Variants in TMC6 observed in about 807,000 individuals in gnomAD.
TMC6 encodes the protein transmembrane channel-like protein 6.
TMC6 carries 71 observed loss-of-function variants against 95.4 expected under a neutral mutation model. The ratio of observed to expected loss-of-function variants is 0.74; its 90% CI spans 0.61 to 0.91. The LOEUF (loss-of-function observed/expected upper bound fraction) is 0.91. TMC6 is among the 40% of genes least tolerant of loss of function. The pLI, the probability that TMC6 is intolerant of heterozygous loss-of-function variation, is 0.00. For synonymous variants in TMC6, 514 were observed against 483.1 expected, an observed-to-expected ratio of 1.06 and a Z score of -0.84; for missense variants, 1,074 against 1,079.1, an observed-to-expected ratio of 1.00 and a Z score of 0.07.
In TMC6 at chr17:78,113,187, CG is replaced by C; in HGVS notation, c.2378del (p.Ala793GlyfsTer64). 1 of 1,558,082 alleles carries C rather than the reference CG, an allele frequency of 6.4e-7. No homozygotes were observed. Among genetic ancestry groups the C allele is most frequent in the Non-Finnish European group, 8.7e-7 (1 of 1,149,912 alleles). On this transcript the variant is annotated frameshift_variant, in exon 20 of 20. Coordinates refer to ENST00000590602, the MANE Select transcript of TMC6 (RefSeq NM_001127198.5). LOFTEE classifies it low-confidence loss of function (END_TRUNC). ...CATCTGTGAGCAGGGCAGGGGGTGC[CG>C]CAGCCTCCTCGGTTGTCCCAACCCT... ...RSRVGTTEEA[A>X]APPALLTDEQ...
Position 78,113,057 on chromosome 17 carries a change from T to C in TMC6, c.*91A>G. On this transcript the variant is annotated 3_prime_UTR_variant, in exon 20 of 20. Coordinates refer to ENST00000590602, the MANE Select transcript of TMC6 (RefSeq NM_001127198.5). ...GCGGCTTTCGAGAGGCGAAACTGTC[T>C]TCCTTGTCCTGGTGTCCCAGCAGGG... is the stretch of plus-strand genomic sequence containing the variant. 6.8e-7 allele frequency: 1 copy of C among 1,468,624 alleles called. No homozygotes were observed. The highest frequency in any genetic ancestry group is 9.3e-7 in the Non-Finnish European group (1 of 1,074,178). The allele number at this position is 1,468,624 out of a possible 1,614,324, so 91.0% of individuals were successfully genotyped here. A position where few individuals can be genotyped will look rare whatever the true frequency, so the allele number is the denominator to read the frequency against.
Position 78,121,256 on chromosome 17 carries a change from G to A in TMC6, c.1384-92C>T. 3 of 1,526,116 alleles carry A rather than the reference G, an allele frequency of 2.0e-6. No individual in the cohort carries two copies. Among genetic ancestry groups the A allele is most frequent in the Non-Finnish European group, 2.6e-6 (3 of 1,137,094 alleles). 94.5% of individuals were successfully genotyped at this position (1,526,116 alleles called of 1,614,324 possible). On this transcript the variant is annotated intron_variant, in intron 11 of 19. Coordinates refer to ENST00000590602, the MANE Select transcript of TMC6 (RefSeq NM_001127198.5). This position sits in a 1 kb window ranked among gnomAD's most constrained non-coding sequence, Gnocchi z 5.6. ...GAAGGGCCCGGGGTGGAACTGGCAG[G>A]TAGCACCTCCCTCCTCCAAGATCTG...
rs1424387288 is a variant in TMC6 at position 78,110,047 on chromosome 17, CAA to C, written c.*3099_*3100del. 1 of 145,554 alleles carries C rather than the reference CAA, an allele frequency of 6.9e-6. No homozygotes were observed. Among genetic ancestry groups the C allele is most frequent in the African/African-American group, 2.6e-5 (1 of 38,878 alleles). 9.0% of individuals were successfully genotyped at this position (145,554 alleles called of 1,614,324 possible). A position where few individuals can be genotyped will look rare whatever the true frequency, so the allele number is the denominator to read the frequency against. On this transcript the variant is annotated 3_prime_UTR_variant, in exon 20 of 20. Coordinates refer to ENST00000590602, the MANE Select transcript of TMC6 (RefSeq NM_001127198.5). ...TCCCGTTGCACTCCAGCCTGGGGAA[CAA>C]GAGTGAAACTCCATTCCAAGAAAAA...
At chr17:78,114,596 C>T (rs1468402342) in intron 18 of TMC6, among the ~76,000 whole-genome samples, 1 of 152,046 alleles carries the variant, frequency 6.6e-6, no homozygotes, top group Non-Finnish European at 1.5e-5. Context: ...ACCGGGATTC[C>T]CCGCCCGGAG....
At chr17:78,125,084 A>C in intron 6 of TMC6, 74 bp downstream of exon 6, 1 of 1,541,706 alleles carries the variant, frequency 6.5e-7, no homozygotes, top group Non-Finnish European at 8.7e-7. Flanking sequence ...CTTCTCCCCC[A>C]CCACCTAGCC....
upstream of TMC6, chr17:78,131,635 C>CCTG (rs1568011483): frequency 6.4e-7 from 1 of 1,555,156 alleles, no homozygotes; most frequent in Admixed American, 1.9e-5. Context: ...CCTGGGGTGC[C>CCTG]GGAGCCGGAG....
upstream of TMC6, chr17:78,132,009 G>C: frequency 6.5e-7 from 1 of 1,532,736 alleles, no homozygotes; most frequent in Non-Finnish European, 8.7e-7. Flanking sequence ...GCTCTGGGAG[G>C]GGGCGCTCTA....
rs755350675 is a variant in TMC6, at chr17:78,118,971, C to T, written c.1887G>A (p.Lys629=). The part of the protein sequence containing the change: ...IKLLLVFYVK[K]TSLLANCQAP... ...CCTCCCCAGGCCTTGGCAGCCTCAC[C>T]TTCTTGACATAGAAGACGAGCAGCA... The change falls in exon 15 of 20, where the codon AAG becomes AAA. Residue 629 remains lysine (K), a splice_region_variant and synonymous_variant. Transcript: ENST00000590602. 6.3e-7 allele frequency: 1 copy of T among 1,599,192 alleles called. No individual in the cohort carries two copies. The highest frequency in any genetic ancestry group is 8.5e-7 in the Non-Finnish European group (1 of 1,173,098).
intron 5 of TMC6, among the ~76,000 whole-genome samples, chr17:78,125,508 C>T: frequency 6.6e-6 from 1 of 152,278 alleles, no homozygotes; most frequent in Non-Finnish European, 1.5e-5. Context: ...GGCCACAGCC[C>T]TCCAAGCACT....
chr17:78,120,480 T>A (rs778342017), intron 13 of TMC6, 173 bp downstream of exon 13: 4 of 1,044,302 alleles, frequency 3.8e-6, no homozygotes, highest in South Asian at 3.8e-5. Flanking sequence ...CTTTGAAACC[T>A]GTTTTCCTTT....
upstream of TMC6, chr17:78,131,979 C>A: frequency 6.6e-7 from 1 of 1,521,764 alleles, no homozygotes. Context: ...GGCAGCGCAG[C>A]GGCTGGCCCG....
In TMC6 at chr17:78,107,802, G is replaced by C. The variant is rs1256952366; in HGVS notation, c.*5346C>G. 2.6e-5 allele frequency: 4 copies of C among 152,258 alleles called. No homozygotes were observed. In the South Asian group the frequency reaches 8.3e-4, roughly 32 times the overall value. The allele number at this position is 152,258 out of a possible 1,614,324, so 9.4% of individuals were successfully genotyped here. A position where few individuals can be genotyped will look rare whatever the true frequency, so the allele number is the denominator to read the frequency against. On this transcript the variant is annotated 3_prime_UTR_variant, in exon 20 of 20. Coordinates refer to ENST00000590602, the MANE Select transcript of TMC6 (RefSeq NM_001127198.5). ...CCGGGGCTTGCCTGGAGTCCTGGCA[G>C]AGGAGTGCCACTCACTTTTGCCTAG...
rs2074619291 is a variant in TMC6, at chr17:78,124,879, G to C, written c.633+10C>G. On this transcript the variant is annotated intron_variant, in intron 7 of 19. Coordinates refer to ENST00000590602, the MANE Select transcript of TMC6 (RefSeq NM_001127198.5). Reference sequence around the variant, plus strand: ...CCGCCCCAGCCCCAGGGCAGACCAGGGGCCCATACCAGCACGCAGGCATAT... The same window carrying C: ...CCGCCCCAGCCCCAGGGCAGACCAGCGGCCCATACCAGCACGCAGGCATAT... 1 of 1,594,786 alleles carries C rather than the reference G, an allele frequency of 6.3e-7. No homozygotes were observed. Among genetic ancestry groups the C allele is most frequent in the Non-Finnish European group, 8.5e-7 (1 of 1,172,054 alleles).
rs2074423502 is a variant in TMC6 at position 78,121,704 on chromosome 17, A to G, written c.1235T>C (p.Leu412Pro). The G allele has an allele frequency of 1.3e-6, 2 of 1,586,476 alleles. No individual in the cohort carries two copies. Among genetic ancestry groups the G allele is most frequent in the South Asian group, 2.2e-5 (2 of 89,324 alleles). ...GCTGTGCCGCAGCTGCCACTCGGCC[A>G]GCAGCTCCTGCAGGCGGCACCGTGT... The part of the protein sequence containing the change: ...DNIRTRLKEL[L>P]AEWQLRHSPR... Residue 412 changes from leucine (L) to proline (P), a missense_variant, in exon 11 of 20, where the codon CTG becomes CCG. Coordinates refer to ENST00000590602, the MANE Select transcript of TMC6 (RefSeq NM_001127198.5). This position sits in a 1 kb window ranked among gnomAD's most constrained non-coding sequence, Gnocchi z 5.6.
At chr17:78,132,305 G>GCGGCCCCAGCCC (rs1420635193), upstream of TMC6, 1 of 1,602,076 alleles carries the variant, frequency 6.2e-7, no homozygotes, top group East Asian at 2.2e-5. Context: ...GACTCTCAGC[G>GCGGCCCCAGCCC]CGGCCCCAGC....
chr17:78,119,839 G>A (rs1324836577), intron 13 of TMC6: 1 of 355,368 alleles, frequency 2.8e-6, no homozygotes, highest in Non-Finnish European at 5.3e-6. Flanking sequence ...TTAGAGACAA[G>A]GTCTCACTCT....
chr17:78,116,074 A>T (rs114851001), intron 18 of TMC6, among the ~76,000 whole-genome samples: 12,499 of 152,012 alleles, frequency 0.082, 555 homozygotes, highest in East Asian at 0.17. Context: ...CAGTGGCGCA[A>T]TCTGGGCTGA....
chr17:78,126,430 C>G (rs1219825455), intron 3 of TMC6, 64 bp from the exon 4 acceptor site: 10 of 1,606,136 alleles, frequency 6.2e-6, no homozygotes, highest in Middle Eastern at 1.7e-4. Flanking sequence ...ATCTCCCACC[C>G]CATCCCAGGC....
At chr17:78,132,048 C>T (rs1477201682), upstream of TMC6, 2 of 1,534,560 alleles carry the variant, frequency 1.3e-6, no homozygotes, top group African/African-American at 1.4e-5. Flanking sequence ...CCGCGCGACC[C>T]GCACCTCCCC....
Sources: allele counts gnomAD v4.1 joint callset (sites outside exome capture counted in the v4.1 genomes callset), GRCh38; gene constraint gnomAD v4.1.1; non-coding constraint Gnocchi (gnomAD v3.1); transcripts MANE v1.5; gene names NCBI Gene and HGNC (gene_info 2026-07-23, HGNC 2026-07-21).